Variants in NFIB observed in about 807,000 individuals in gnomAD.
NFIB encodes nuclear factor 1 B-type.
A neutral mutation model predicts 61.5 loss-of-function variants in NFIB; 11 were observed. The ratio of observed to expected loss-of-function variants is 0.18; its 90% CI spans 0.11 to 0.30. The LOEUF is 0.30. NFIB is among the 10% of genes least tolerant of loss of function. The pLI is 1.00. For missense variants in NFIB, 471 were observed against 608.9 expected (o/e 0.77, Z 2.38); for synonymous variants, 260 against 216.5 (o/e 1.20, Z -1.76).
intron 2 of NFIB, among the ~76,000 whole-genome samples, chr9:14,273,193 A>C (rs2057753300): frequency 6.6e-6 from 1 of 152,158 alleles, no homozygotes; most frequent in Non-Finnish European, 1.5e-5. Flanking sequence ...CTTTTTAATA[A>C]GTACATTTTC....
chr9:14,231,120 GAAAAAA>G (rs1188458970), intron 2 of NFIB, among the ~76,000 whole-genome samples: 1 of 65,808 alleles, frequency 1.5e-5, no homozygotes, highest in African/African-American at 5.8e-5. Context: ...TTTCCATGGG[GAAAAAA>G]AAAAAAAAAA....
intron 1 of NFIB, among the ~76,000 whole-genome samples, chr9:14,344,285 T>C (rs1469573764): frequency 6.8e-6 from 1 of 146,164 alleles, no homozygotes; most frequent in Non-Finnish European, 1.5e-5. Context: ...AGGGGGGTGA[T>C]GGGGGTGCGA....
intron 2 of NFIB, among the ~76,000 whole-genome samples, chr9:14,276,359 G>T (rs2057997717): frequency 1.3e-5 from 2 of 152,050 alleles, no homozygotes; most frequent in Admixed American, 6.6e-5. Context: ...AAAGATAAAG[G>T]TGCTTTACAA....
intron 2 of NFIB, among the ~76,000 whole-genome samples, chr9:14,193,253 A>G (rs1317772227): frequency 1.3e-5 from 2 of 151,924 alleles, no homozygotes; most frequent in Non-Finnish European, 2.9e-5. Flanking sequence ...AGTCTCTCTA[A>G]CCAATTTTTA....
chr9:14,420,747 C>T, the NFIB span, among the ~76,000 whole-genome samples: 1 of 152,102 alleles, frequency 6.6e-6, no homozygotes, highest in East Asian at 1.9e-4. Context: ...TTCATCATAG[C>T]TAAAATACTA....
chr9:14,137,189 T>G (rs2131005806), intron 6 of NFIB, among the ~76,000 whole-genome samples: 1 of 152,312 alleles, frequency 6.6e-6, no homozygotes, highest in Non-Finnish European at 1.5e-5. Flanking sequence ...CTGAGTCATT[T>G]GTTTTCAAAG....
intron 2 of NFIB, among the ~76,000 whole-genome samples, chr9:14,200,996 C>T (rs926860910): frequency 1.3e-5 from 2 of 152,150 alleles, no homozygotes; most frequent in Non-Finnish European, 2.9e-5. Flanking sequence ...AATGCTCATT[C>T]CAGAAACCCC....
intron 2 of NFIB, among the ~76,000 whole-genome samples, chr9:14,279,311 G>A (rs1383809565): frequency 6.6e-6 from 1 of 152,056 alleles, no homozygotes; most frequent in East Asian, 1.9e-4. Flanking sequence ...GATGAAAAAA[G>A]TACATCATGC....
intron 1 of NFIB, among the ~76,000 whole-genome samples, chr9:14,331,213 G>A (rs375249898): frequency 6.6e-6 from 1 of 152,066 alleles, no homozygotes; most frequent in Non-Finnish European, 1.5e-5. Flanking sequence ...TTTTAAAGAC[G>A]AGGCACTGGA....
intron 10 of NFIB, among the ~76,000 whole-genome samples, chr9:14,094,629 C>G (rs937916203): frequency 3.3e-5 from 5 of 152,042 alleles, no homozygotes; most frequent in Non-Finnish European, 5.9e-5. Flanking sequence ...AGCTCCCTGG[C>G]TAGCTCTTAC....
intron 1 of NFIB, among the ~76,000 whole-genome samples, chr9:14,352,470 A>G (rs1052067829): frequency 6.6e-6 from 1 of 152,160 alleles, no homozygotes; most frequent in Non-Finnish European, 1.5e-5. Flanking sequence ...GTCAGAATTG[A>G]CATCACCGCT....
the NFIB span, among the ~76,000 whole-genome samples, chr9:14,504,829 C>G: frequency 1.3e-5 from 2 of 152,080 alleles, no homozygotes; most frequent in Non-Finnish European, 2.9e-5. Context: ...TGGTTTCTTT[C>G]CTTTGTCTGA....
At chr9:14,172,677 CCTT>C (rs1438744180) in intron 3 of NFIB, among the ~76,000 whole-genome samples, 1 of 152,164 alleles carries the variant, frequency 6.6e-6, no homozygotes, top group Non-Finnish European at 1.5e-5. Flanking sequence ...TCTTTTGCCT[CCTT>C]TATAAAATCT....
chr9:14,352,007 G>A (rs1185128548), intron 1 of NFIB, among the ~76,000 whole-genome samples: 1 of 152,198 alleles, frequency 6.6e-6, no homozygotes, highest in Non-Finnish European at 1.5e-5. Flanking sequence ...TCTGACGGAA[G>A]TATATAGCTA....
chr9:14,484,781 TC>T, the NFIB span, among the ~76,000 whole-genome samples: 1 of 152,240 alleles, frequency 6.6e-6, no homozygotes, highest in Admixed American at 6.5e-5. Context: ...ACAGATTAAG[TC>T]TTGGGGAGCC....
At chr9:14,234,757 T>C (rs1490438019) in intron 2 of NFIB, among the ~76,000 whole-genome samples, 1 of 152,100 alleles carries the variant, frequency 6.6e-6, no homozygotes, top group Non-Finnish European at 1.5e-5. Flanking sequence ...TATTAAACAT[T>C]CTTAAACTTG....
the NFIB span, among the ~76,000 whole-genome samples, chr9:14,522,972 T>C: frequency 3.3e-5 from 5 of 152,132 alleles, no homozygotes; most frequent in Non-Finnish European, 7.4e-5. Flanking sequence ...CAATCAAATT[T>C]TTCTCCCTTG....
Position 14,307,825 on chromosome 9 carries a change from T to C in NFIB, c.31-305A>G. On this transcript the variant is annotated intron_variant, in intron 1 of 10. Transcript: ENST00000380953. This position sits in a 1 kb window ranked among gnomAD's most constrained non-coding sequence, Gnocchi z 5.3. ...CTTGTTTCCACCCCAATGCCATGCATTCTACATTCTTTAAAATATAGGCAA... is the reference window on the plus strand; with the variant it reads ...CTTGTTTCCACCCCAATGCCATGCACTCTACATTCTTTAAAATATAGGCAA... 4.4e-6 allele frequency: 1 copy of C among 228,550 alleles called. No homozygotes were observed. The allele number at this position is 228,550 out of a possible 1,614,324, so 14.2% of individuals were successfully genotyped here.
intron 10 of NFIB, among the ~76,000 whole-genome samples, chr9:14,107,310 A>G (rs899472680): frequency 1.4e-4 from 22 of 151,770 alleles, no homozygotes; most frequent in Non-Finnish European, 2.4e-4. Flanking sequence ...CATACAACAC[A>G]TGCAAAAAAA....
Sources: gnomAD v4.1 joint callset for allele counts (sites outside exome capture counted in the v4.1 genomes callset) on GRCh38, gnomAD v4.1.1 for gene constraint, Gnocchi (gnomAD v3.1) non-coding constraint, MANE v1.5 for transcripts, NCBI Gene and HGNC (gene_info 2026-07-23, HGNC 2026-07-21) for gene names.